Variants in POLR1C observed in about 807,000 individuals in gnomAD.
The protein encoded by POLR1C is RNA polymerase I and III subunit C, also known as DNA-directed RNA polymerases I and III subunit RPAC1.
In POLR1C, 42 loss-of-function variants were observed where a neutral mutation model predicts 38.3. The observed-to-expected ratio is 1.10, with a 90% CI of 0.86 to 1.42. The LOEUF (loss-of-function observed/expected upper bound fraction) is 1.42, where lower values mean the gene tolerates loss of function less well. Ranked by LOEUF, POLR1C falls within the 40% of genes most tolerant of loss-of-function variation. The pLI is 0.00. For missense variants in POLR1C, 507 were observed against 450.5 expected (o/e 1.13, Z -1.14); for synonymous variants, 163 against 163.9 (o/e 0.99, Z 0.04).
intron 9 of POLR1C, chr6:43,547,653 G>A (rs1356388385): frequency 6.2e-7 from 1 of 1,614,018 alleles, no homozygotes; most frequent in Middle Eastern, 1.6e-4. Flanking sequence ...CTGGGTCACA[G>A]CTCTTCTGAT....
chr6:43,525,005 C>T, downstream of POLR1C: 1 of 1,606,494 alleles, frequency 6.2e-7, no homozygotes. Context: ...CACAGGGGGC[C>T]TCTCTCAAGG....
chr6:43,519,568 C>T, intron 3 of POLR1C, 128 bp downstream of exon 3: 1 of 1,445,648 alleles, frequency 6.9e-7, no homozygotes, highest in Non-Finnish European at 9.7e-7. Context: ...GAGCATTTTA[C>T]CTTCTCATTC....
chr6:43,525,692 G>C, downstream of POLR1C: 1 of 815,026 alleles, frequency 1.2e-6, no homozygotes, highest in Non-Finnish European at 1.9e-6. Context: ...CTTTTCCCTC[G>C]GTTTTTTCTG....
downstream of POLR1C, chr6:43,533,263 C>CAG (rs1210131906): frequency 1.4e-5 from 2 of 145,172 alleles, no homozygotes; most frequent in East Asian, 4.1e-4. Context: ...CACACACACA[C>CAG]GAGGAGGCAG....
downstream of POLR1C, chr6:43,534,041 A>G (rs2127711494): frequency 6.6e-7 from 1 of 1,511,910 alleles, no homozygotes; most frequent in Non-Finnish European, 9.1e-7. Flanking sequence ...GAGCTTTTCC[A>G]TCTGATGCAG....
chr6:43,520,078 G>C lies in POLR1C; in HGVS notation c.395G>C (p.Gly132Ala), dbSNP rs201320592. The C allele has an allele frequency of 3.7e-6, 6 of 1,614,050 alleles. No individual in the cohort carries two copies. The East Asian group carries it at 1.3e-4, about 36-fold the overall frequency. Reference protein sequence around the residue: ...FEYRNQGDEEGTEIDTLQFRL... With the variant: ...FEYRNQGDEEATEIDTLQFRL... ...TCCATTTGTGCAGGAGATGAAGAAG[G>C]CACAGAGATAGATACTCTACAGTTT... Residue 132 changes from glycine (G) to alanine (A), a missense_variant, in exon 5 of 9, where the codon GGC (glycine) becomes GCC (alanine). Gly to Ala is a moderately conservative substitution (Grantham distance 60). Transcript: ENST00000642195.
At chr6:43,529,047 G>T in intron 8 of POLR1C, 2 of 1,114,486 alleles carry the variant, frequency 1.8e-6, no homozygotes, top group Non-Finnish European at 2.6e-6. Flanking sequence ...AAAATATCCT[G>T]TGTTAACAGT....
At chr6:43,560,681 C>T (rs1561882699) in intron 10 of POLR1C, among the ~76,000 whole-genome samples, 1 of 152,186 alleles carries the variant, frequency 6.6e-6, no homozygotes, top group African/African-American at 2.4e-5. Flanking sequence ...CTGGGACACA[C>T]CTCACATGTG....
In POLR1C at chr6:43,520,717, G is replaced by A; in HGVS notation, c.748G>A (p.Ala250Thr). The part of the protein sequence containing the change: ...TLLEPVEGEA[A>T]EELSRCFSPG... ...GCTTGAGCCCGTGGAAGGGGAGGCA[G>A]CTGAGGAGTTGAGCAGGTGCTTCTC... Residue 250 changes from alanine (A) to threonine (T), a missense_variant, in exon 7 of 9, where the codon GCT (alanine) becomes ACT (threonine). Transcript: ENST00000642195. 5.0e-6 allele frequency: 8 copies of A among 1,614,176 alleles called. No homozygotes were observed. Among genetic ancestry groups the A allele is most frequent in the Non-Finnish European group, 6.8e-6 (8 of 1,180,008 alleles).
At chr6:43,555,246 T>G (rs1416331331) in intron 10 of POLR1C, 2 of 152,304 alleles carry the variant, frequency 1.3e-5, no homozygotes, top group Non-Finnish European at 2.9e-5. Flanking sequence ...CCAGCCTTTT[T>G]GCTTTATTAA....
chr6:43,525,546 G>C (rs1561862502), downstream of POLR1C: 2 of 518,306 alleles, frequency 3.9e-6, no homozygotes, highest in Admixed American at 7.1e-5. Context: ...GAGAAAACCT[G>C]TATGTGTAGG....
chr6:43,526,582 G>A (rs1793606837), intron 8 of POLR1C: 7 of 1,276,696 alleles, frequency 5.5e-6, no homozygotes, highest in Admixed American at 1.9e-5. Flanking sequence ...CTACATGTAG[G>A]GTGTCTTCTC....
At chr6:43,539,383 C>T in intron 9 of POLR1C, 2 of 1,578,994 alleles carry the variant, frequency 1.3e-6, no homozygotes, top group South Asian at 1.1e-5. Context: ...GCATAATCTT[C>T]AAAACCTCAT....
intron 10 of POLR1C, chr6:43,551,410 A>G: frequency 1.9e-6 from 3 of 1,614,008 alleles, no homozygotes; most frequent in Non-Finnish European, 1.7e-6. Context: ...ATCAAAGTTC[A>G]GAACCATCTG....
At chr6:43,538,711 C>T (rs920573427) in intron 9 of POLR1C, 26 of 474,926 alleles carry the variant, frequency 5.5e-5, no homozygotes, top group African/African-American at 3.8e-4. Context: ...CTGTTAATGT[C>T]TGGTTTTGGT....
chr6:43,556,162 A>G, intron 10 of POLR1C: 1 of 613,574 alleles, frequency 1.6e-6, no homozygotes. Flanking sequence ...TGATCTCTGG[A>G]AACTGTATTA....
chr6:43,534,064 G>T, downstream of POLR1C: 1 of 1,380,294 alleles, frequency 7.2e-7, no homozygotes. Flanking sequence ...GGAAAGAGTG[G>T]GTTTTGCTTG....
rs540558885 is a variant in POLR1C, at chr6:43,548,155, C to T, written c.*5-2813C>T. 20 of 1,087,616 alleles carry T rather than the reference C, an allele frequency of 1.8e-5. No homozygotes were observed. In the East Asian group the frequency reaches 4.4e-4, roughly 24 times the overall value. 67.4% of individuals were successfully genotyped at this position (1,087,616 alleles called of 1,614,324 possible). A position where few individuals can be genotyped will look rare whatever the true frequency, so the allele number is the denominator to read the frequency against. On this transcript the variant is annotated intron_variant, in intron 9 of 10. Coordinates refer to the POLR1C transcript ENST00000607635. ...AGAACTTCAGATATCATGGATAATG[C>T]CATCACACTTCAATATCCTTAACCC...
chr6:43,537,573 C>T (rs1353981939), intron 9 of POLR1C, among the ~76,000 whole-genome samples: 1 of 152,190 alleles, frequency 6.6e-6, no homozygotes, highest in African/African-American at 2.4e-5. Context: ...CGGAAGTTTA[C>T]TTACAAACAT....
Sources: gnomAD v4.1 joint callset for allele counts (sites outside exome capture counted in the v4.1 genomes callset) on GRCh38, gnomAD v4.1.1 for gene constraint, MANE v1.5 for transcripts, NCBI Gene and HGNC (gene_info 2026-07-23, HGNC 2026-07-21) for gene names.